Variants in THRB observed in about 807,000 individuals in gnomAD.
THRB encodes the protein thyroid hormone receptor beta, also known as nuclear receptor subfamily 1 group A member 2.
In THRB, 12 loss-of-function variants were observed where a neutral mutation model predicts 47.8. The ratio of observed to expected loss-of-function variants is 0.25; its 90% CI spans 0.16 to 0.41. The LOEUF (loss-of-function observed/expected upper bound fraction) is 0.41. Among genes scored for constraint, THRB ranks in the 10% least tolerant of loss-of-function variants. The probability of loss-of-function intolerance (pLI) is 1.00; values close to 1 mark genes in which losing one functional copy is unlikely to be tolerated. For synonymous variants in THRB, 218 were observed against 212.2 expected (o/e 1.03, Z -0.24); for missense variants, 348 against 589.2 (o/e 0.59, Z 4.24).
At chr3:24,492,002 AG>A (rs1698214348) in intron 1 of THRB, among the ~76,000 whole-genome samples, 1 of 152,250 alleles carries the variant, frequency 6.6e-6, no homozygotes, top group Admixed American at 6.5e-5. Flanking sequence ...AGAAAGAGAG[AG>A]AGAGAAAAAT....
rs536298628 is a variant in THRB, at chr3:24,436,692, T to C, written c.-261+57960A>G. On this transcript the variant is annotated intron_variant, in intron 1 of 10. Transcript: ENST00000646209. ...ATTCTGAGGAATGCATTTCTATGCA[T>C]AGAGCACACGTTATTCCCCGGTGGG... Among the ~76,000 whole-genome samples, 88 of 152,300 alleles carry C rather than the reference T, an allele frequency of 5.8e-4. 1 individual carries two copies. Among genetic ancestry groups the C allele is most frequent in the Admixed American group, 9.8e-4 (15 of 15,292 alleles).
chr3:24,347,674 A>G (rs1234847405), intron 1 of THRB, among the ~76,000 whole-genome samples: 1 of 151,754 alleles, frequency 6.6e-6, no homozygotes, highest in Non-Finnish European at 1.5e-5. Context: ...AATCCTACAG[A>G]CAATAAAAAG....
chr3:24,463,894 A>C (rs1357198944), intron 1 of THRB, among the ~76,000 whole-genome samples: 1 of 152,218 alleles, frequency 6.6e-6, no homozygotes, highest in African/African-American at 2.4e-5. Context: ...TAATCTGTTA[A>C]ATGCTATCCC....
chr3:24,390,720 C>T (rs1049323536), intron 1 of THRB, among the ~76,000 whole-genome samples: 2 of 150,662 alleles, frequency 1.3e-5, no homozygotes, highest in African/African-American at 2.4e-5. Context: ...AAGACCAACA[C>T]AGCTGTTTTC....
intron 5 of THRB, among the ~76,000 whole-genome samples, chr3:24,177,950 A>T (rs2041381936): frequency 6.6e-6 from 1 of 152,146 alleles, no homozygotes. Flanking sequence ...TAATCTTCAG[A>T]AAAGTCTTCA....
Position 24,303,365 on chromosome 3 carries a change from T to C in THRB, c.-188-5994A>G, listed in dbSNP as rs559925001. 2.0e-5 allele frequency among the ~76,000 whole-genome samples: 3 copies of C among 152,294 alleles called. No homozygotes were observed. The East Asian group carries it at 5.8e-4, about 29-fold the overall frequency. On this transcript the variant is annotated intron_variant, in intron 2 of 10. Coordinates refer to ENST00000646209, the MANE Select transcript of THRB (RefSeq NM_001354712.2). ...AAAGTGCTTCTCACACTAGACTTGC[T>C]CTTGCTTCTCGGCCGCTACCTGGGC...
intron 1 of THRB, among the ~76,000 whole-genome samples, chr3:24,366,866 A>G (rs766126519): frequency 6.6e-6 from 1 of 151,498 alleles, no homozygotes; most frequent in Non-Finnish European, 1.5e-5. Flanking sequence ...TGATCCACCC[A>G]CCCACTTCGG....
At chr3:24,172,787 A>G (rs1176412568) in intron 5 of THRB, among the ~76,000 whole-genome samples, 2 of 152,194 alleles carry the variant, frequency 1.3e-5, no homozygotes, top group Non-Finnish European at 2.9e-5. Context: ...AGAGACTCTC[A>G]TCAAGGCAGT....
At position 24,118,007 on chromosome 3, in the gene THRB, C is replaced by A. The variant is rs1051402411; in HGVS notation, c.*4877G>T. Reference sequence around the variant, plus strand: ...TTGTGGCCCCTTCCAAAGAGGTAACCCCCCATCAGCATTTTACTTAGTTTC... The same window carrying A: ...TTGTGGCCCCTTCCAAAGAGGTAACACCCCATCAGCATTTTACTTAGTTTC... On this transcript the variant is annotated 3_prime_UTR_variant, in exon 11 of 11. Coordinates refer to ENST00000646209, the MANE Select transcript of THRB (RefSeq NM_001354712.2). 1 of 152,102 alleles carries A rather than the reference C, an allele frequency of 6.6e-6. No individual in the cohort carries two copies. The highest frequency in any genetic ancestry group is 6.6e-5 in the Admixed American group (1 of 15,262). The allele number at this position is 152,102 out of a possible 1,614,324, so 9.4% of individuals were successfully genotyped here.
At chr3:24,380,235 T>G (rs1347042061) in intron 1 of THRB, among the ~76,000 whole-genome samples, 1 of 150,900 alleles carries the variant, frequency 6.6e-6, no homozygotes, top group Non-Finnish European at 1.5e-5. Flanking sequence ...GCCACATCCT[T>G]AAACATAAAG....
intron 3 of THRB, among the ~76,000 whole-genome samples, chr3:24,245,503 G>T (rs1470040884): frequency 6.6e-6 from 1 of 152,126 alleles, no homozygotes; most frequent in East Asian, 1.9e-4. Context: ...ATTAGTGTGT[G>T]TGAAAGGGAA....
At chr3:24,228,849 T>A (rs1030609595) in intron 4 of THRB, 89 bp downstream of exon 4, 4 of 1,269,466 alleles carry the variant, frequency 3.2e-6, no homozygotes, top group Non-Finnish European at 3.4e-6. Flanking sequence ...TTGCTAAAAC[T>A]CGCAAGTTAA....
intron 3 of THRB, among the ~76,000 whole-genome samples, chr3:24,243,177 T>C (rs994098442): frequency 8.6e-5 from 13 of 151,780 alleles, no homozygotes. Flanking sequence ...GTGATTCTGA[T>C]GCCCAGCCAA....
chr3:24,245,443 T>G (rs1345913482), intron 3 of THRB, among the ~76,000 whole-genome samples: 1 of 152,044 alleles, frequency 6.6e-6, no homozygotes, highest in Non-Finnish European at 1.5e-5. Context: ...CACAAACAAT[T>G]CTAATTAGGG....
chr3:24,429,432 T>C (rs923057059), intron 1 of THRB, among the ~76,000 whole-genome samples: 3 of 151,952 alleles, frequency 2.0e-5, no homozygotes, highest in African/African-American at 7.2e-5. Flanking sequence ...GACTGTAGAA[T>C]ATGGCATGAA....
At chr3:24,276,041 CTTT>C (rs1272650929) in intron 3 of THRB, among the ~76,000 whole-genome samples, 1 of 143,776 alleles carries the variant, frequency 7.0e-6, no homozygotes, top group Non-Finnish European at 1.5e-5. Context: ...CAGTCTTCTA[CTTT>C]TTTTTTTTTT....
intron 1 of THRB, among the ~76,000 whole-genome samples, chr3:24,360,783 C>T (rs1309005013): frequency 6.6e-6 from 1 of 152,102 alleles, no homozygotes; most frequent in Non-Finnish European, 1.5e-5. Flanking sequence ...CATCATATGT[C>T]CCCAACATGA....
In THRB at chr3:24,438,460, C is replaced by T. The variant is rs1398230571; in HGVS notation, c.-261+56192G>A. 3.9e-5 allele frequency among the ~76,000 whole-genome samples: 6 copies of T among 151,958 alleles called. No homozygotes were observed. In the East Asian group the frequency reaches 1.2e-3, roughly 29 times the overall value. Reference sequence around the variant, plus strand: ...TATGAGATGACGCCTATCTTTTTATCTCCATAAGAGTCATGTAGTAATGCC... The same window carrying T: ...TATGAGATGACGCCTATCTTTTTATTTCCATAAGAGTCATGTAGTAATGCC... On this transcript the variant is annotated intron_variant, in intron 1 of 10. Transcript: ENST00000646209.
At chr3:24,485,712 T>C (rs1198763793) in intron 1 of THRB, among the ~76,000 whole-genome samples, 1 of 152,194 alleles carries the variant, frequency 6.6e-6, no homozygotes, top group Non-Finnish European at 1.5e-5. Flanking sequence ...ATTTCCCAAA[T>C]GCTTCATACT....
Sources: gnomAD v4.1 joint callset for allele counts (sites outside exome capture counted in the v4.1 genomes callset) on GRCh38, gnomAD v4.1.1 for gene constraint, MANE v1.5 for transcripts, NCBI Gene and HGNC (gene_info 2026-07-23, HGNC 2026-07-21) for gene names.